The following PPL variants were observed in gnomAD, a reference collection of about 807,000 sequenced individuals.
The protein encoded by PPL is periplakin, also known as 190 kDa paraneoplastic pemphigus antigen.
In PPL, 198 loss-of-function variants were observed where a neutral mutation model predicts 194.4. The ratio of observed to expected loss-of-function variants is 1.02; its 90% CI spans 0.91 to 1.15. The LOEUF (loss-of-function observed/expected upper bound fraction) is 1.15, where lower values mean the gene tolerates loss of function less well. PPL is among the 50% of genes most tolerant of loss of function. PPL has a pLI of 0.00. For missense variants in PPL, 2,885 were observed against 2,294.8 expected, an observed-to-expected ratio of 1.26 and a Z score of -5.25; for synonymous variants, 1,220 against 972.4, an observed-to-expected ratio of 1.25 and a Z score of -4.74.
chr16:4,895,643 G>C lies in PPL; in HGVS notation c.1046C>G (p.Pro349Arg), dbSNP rs961403124. 4 of 1,613,956 alleles carry C rather than the reference G, an allele frequency of 2.5e-6. No homozygotes were observed. In the African/African-American group the frequency reaches 4.0e-5, roughly 16 times the overall value. Reference sequence around the variant, plus strand: ...AATCTGGTACCGGTCCTTGAAGTCAGGGCCATACTTCTGGTTCAGGTCCGA... The same window carrying C: ...AATCTGGTACCGGTCCTTGAAGTCACGGCCATACTTCTGGTTCAGGTCCGA... ...VDSDLNQKYG[P>R]DFKDRYQIEL... Residue 349 changes from proline to arginine, a missense_variant, in exon 10 of 22, where the codon CCT (proline) becomes CGT (arginine). Pro to Arg is a moderately radical substitution (Grantham distance 103, BLOSUM62 -2). Coordinates refer to ENST00000345988, the MANE Select transcript of PPL (RefSeq NM_002705.5).
At chr16:4,911,156 CTTTTT>C (rs34229581) in intron 1 of PPL, among the ~76,000 whole-genome samples, 3 of 85,902 alleles carry the variant, frequency 3.5e-5, no homozygotes, top group African/African-American at 9.1e-5. Context: ...GGTCAGCCTC[CTTTTT>C]TTTTTTTTTT....
At position 4,894,453 on chromosome 16, in the gene PPL, C is replaced by A. The variant is rs202023864; in HGVS notation, c.1394+14G>T. 6.2e-7 allele frequency: 1 copy of A among 1,613,524 alleles called. No homozygotes were observed. The highest frequency in any genetic ancestry group is 2.2e-5 in the East Asian group (1 of 44,878). On this transcript the variant is annotated intron_variant, in intron 12 of 21. Coordinates refer to ENST00000345988, the MANE Select transcript of PPL (RefSeq NM_002705.5). ...GGGACTGGTCCATGCAGACTCCCGC[C>A]TTTGCCCTTGTACCTGTCAGCCAGA...
chr16:4,924,078 ACAGGAGTT>A (rs1303067132), intron 1 of PPL, among the ~76,000 whole-genome samples: 3 of 152,224 alleles, frequency 2.0e-5, no homozygotes. Flanking sequence ...AAACATTCCC[ACAGGAGTT>A]CAGGTATTAA....
intron 1 of PPL, among the ~76,000 whole-genome samples, chr16:4,924,677 G>T (rs2089122836): frequency 1.3e-5 from 2 of 152,128 alleles, no homozygotes. Flanking sequence ...TGTGCCCACT[G>T]GAGCCTGGTG....
Position 4,899,133 on chromosome 16 carries a change from G to T in PPL, c.769-13C>A. On this transcript the variant is annotated splice_polypyrimidine_tract_variant and intron_variant, in intron 7 of 21. Coordinates refer to ENST00000345988, the MANE Select transcript of PPL (RefSeq NM_002705.5). ...GGTTGATGAAATTCTGCAGTGGGGGGCAGTGGAGGGGCCTCAGTGCCCAGC... is the reference window on the plus strand; with the variant it reads ...GGTTGATGAAATTCTGCAGTGGGGGTCAGTGGAGGGGCCTCAGTGCCCAGC... The T allele has an allele frequency of 6.2e-7, 1 of 1,613,460 alleles. No homozygotes were observed. The highest frequency in any genetic ancestry group is 8.5e-7 in the Non-Finnish European group (1 of 1,179,668).
intron 1 of PPL, among the ~76,000 whole-genome samples, chr16:4,911,853 G>A (rs1169169242): frequency 6.6e-6 from 1 of 151,660 alleles, no homozygotes; most frequent in Non-Finnish European, 1.5e-5. Flanking sequence ...ATTTTTTTGT[G>A]AGAGATAGGG....
At position 4,929,139 on chromosome 16, in the gene PPL, T is replaced by A. The variant is rs1038391878; in HGVS notation, c.62+7845A>T. On this transcript the variant is annotated intron_variant, in intron 1 of 21. Coordinates refer to ENST00000345988, the MANE Select transcript of PPL (RefSeq NM_002705.5). ...GAATTTATCTCAGACAATGTAATAA[T>A]CATAATTTAGGGTGATGGTTTTAAG... 2.0e-5 allele frequency among the ~76,000 whole-genome samples: 3 copies of A among 148,490 alleles called. No homozygotes were observed. The Admixed American group carries it at 2.0e-4, about 10-fold the overall frequency.
At chr16:4,886,899 G>T (rs927145070) in intron 21 of PPL, among the ~76,000 whole-genome samples, 1 of 152,238 alleles carries the variant, frequency 6.6e-6, no homozygotes, top group Admixed American at 6.5e-5. Flanking sequence ...GATTACAAGC[G>T]TGAGCCACCA....
chr16:4,887,012 C>T (rs2088229511), intron 21 of PPL, 123 bp downstream of exon 21: 1 of 822,166 alleles, frequency 1.2e-6, no homozygotes, highest in Non-Finnish European at 2.0e-6. Flanking sequence ...TGCATTGGCC[C>T]TGCCCAGAAA....
chr16:4,898,408 G>A (rs2088476791), intron 8 of PPL, among the ~76,000 whole-genome samples: 1 of 152,148 alleles, frequency 6.6e-6, no homozygotes, highest in Admixed American at 6.5e-5. Context: ...GTGGGGGTTG[G>A]GAAGAATGCG....
At chr16:4,910,022 T>C (rs2088786644) in intron 2 of PPL, among the ~76,000 whole-genome samples, 1 of 152,118 alleles carries the variant, frequency 6.6e-6, no homozygotes, top group South Asian at 2.1e-4. Context: ...TGCTCCAGGG[T>C]ACAAAACAGG....
intron 1 of PPL, 116 bp from the exon 2 acceptor site, chr16:4,911,065 C>A: frequency 1.3e-6 from 1 of 775,292 alleles, no homozygotes; most frequent in South Asian, 1.6e-5. Flanking sequence ...AGGAGCTGCC[C>A]ACAGAGCCTT....
In PPL at chr16:4,884,529, C is replaced by T. The variant is rs377735850; in HGVS notation, c.4126G>A (p.Asp1376Asn). The change falls in exon 22 of 22, where the codon GAT becomes AAT. Residue 1376 changes from aspartate (D) to asparagine (N), a missense_variant. Physicochemically the swap from Asp to Asn is conservative, Grantham distance 23. Coordinates refer to ENST00000345988, the MANE Select transcript of PPL (RefSeq NM_002705.5). This position sits in a 1 kb window ranked among gnomAD's most constrained non-coding sequence, Gnocchi z 5.7. ...AEASAFAESI[D>N]VELRQIDKLR... ...TTGTCAATCTGCCGCAGCTCCACAT[C>T]GATGCTCTCGGCAAAGGCGCTCGCC... 39 of 1,612,232 alleles carry T rather than the reference C, an allele frequency of 2.4e-5. No individual in the cohort carries two copies. Among genetic ancestry groups the T allele is most frequent in the African/African-American group, 1.5e-4 (11 of 74,872 alleles).
At chr16:4,897,952 G>C (rs74003562) in intron 8 of PPL, among the ~76,000 whole-genome samples, 182 bp from the exon 9 acceptor site, 1 of 152,152 alleles carries the variant, frequency 6.6e-6, no homozygotes, top group Non-Finnish European at 1.5e-5. Context: ...GAGGGGTCAC[G>C]TCAAGGAGCC....
At position 4,900,944 on chromosome 16, in the gene PPL, C is replaced by G. The variant is rs777653656; in HGVS notation, c.564+20G>C. 6.8e-6 allele frequency: 11 copies of G among 1,614,064 alleles called. No homozygotes were observed. The Admixed American group carries it at 1.0e-4, about 15-fold the overall frequency. On this transcript the variant is annotated intron_variant, in intron 5 of 21. Transcript: ENST00000345988. ...GCCCCCTCCATCCCTGGGTCCCCAC[C>G]ACACCAGCACACGCCCCACCTTGTC...
chr16:4,899,960 T>C (rs1253355597), intron 6 of PPL, among the ~76,000 whole-genome samples: 2 of 152,086 alleles, frequency 1.3e-5, no homozygotes, highest in Non-Finnish European at 2.9e-5. Context: ...TTCTGCAACA[T>C]TGACTCATTT....
intron 1 of PPL, among the ~76,000 whole-genome samples, chr16:4,917,698 T>C: frequency 6.6e-6 from 1 of 151,512 alleles, no homozygotes; most frequent in East Asian, 2.0e-4. Context: ...ACCAGGAGTT[T>C]GAGAGCAGCC....
intron 1 of PPL, among the ~76,000 whole-genome samples, chr16:4,934,856 C>T (rs904612333): frequency 7.9e-5 from 12 of 152,142 alleles, no homozygotes; most frequent in African/African-American, 2.4e-4. Flanking sequence ...ATCCAGTCTG[C>T]GAACTAGTCC....
At position 4,936,271 on chromosome 16, in the gene PPL, G is replaced by A. The variant is rs186811013; in HGVS notation, c.62+713C>T. ...CGAGCTTCGAAGAGGAGGCCCCGAAGCCGCCCAACCTCCGCTCAGAACCCA... is the reference window on the plus strand; with the variant it reads ...CGAGCTTCGAAGAGGAGGCCCCGAAACCGCCCAACCTCCGCTCAGAACCCA... On this transcript the variant is annotated intron_variant, in intron 1 of 21. Coordinates refer to ENST00000345988, the MANE Select transcript of PPL (RefSeq NM_002705.5). Among the ~76,000 whole-genome samples the A allele has an allele frequency of 3.9e-3, 597 of 152,322 alleles. 4 individuals carry two copies. Among genetic ancestry groups the A allele is most frequent in the African/African-American group, 0.013 (557 of 41,578 alleles).
Sources: gnomAD v4.1 joint callset for allele counts (sites outside exome capture counted in the v4.1 genomes callset) on GRCh38, gnomAD v4.1.1 for gene constraint, Gnocchi (gnomAD v3.1) non-coding constraint, MANE v1.5 for transcripts, NCBI Gene and HGNC (gene_info 2026-07-23, HGNC 2026-07-21) for gene names.